GALNT13: variants seen among roughly 807,000 people sequenced by gnomAD.
GALNT13 encodes the protein polypeptide N-acetylgalactosaminyltransferase 13.
A neutral mutation model predicts 64.2 loss-of-function variants in GALNT13; 28 were observed. The ratio of observed to expected loss-of-function variants is 0.44; its 90% CI spans 0.32 to 0.60. The LOEUF is 0.60. Ranked by LOEUF, GALNT13 falls within the 20% of genes least tolerant of loss-of-function variation. The pLI, the probability that GALNT13 is intolerant of heterozygous loss-of-function variation, is 0.05. For missense variants in GALNT13, 577 were observed against 669.8 expected (o/e 0.86, Z 1.53); for synonymous variants, 214 against 224.6 (o/e 0.95, Z 0.42).
the GALNT13 span, among the ~76,000 whole-genome samples, chr2:153,188,925 A>G: frequency 2.0e-5 from 3 of 152,154 alleles, no homozygotes; most frequent in African/African-American, 7.2e-5. Flanking sequence ...CAGGGTATTT[A>G]GGTTATACTA....
intron 8 of GALNT13, chr2:154,286,649 G>T: frequency 3.7e-6 from 1 of 266,690 alleles, no homozygotes; most frequent in African/African-American, 2.3e-5. Context: ...GCTGTTGTAG[G>T]AGGCATGGTG....
At chr2:154,404,673 T>C (rs999946968) in intron 10 of GALNT13, among the ~76,000 whole-genome samples, 1 of 152,240 alleles carries the variant, frequency 6.6e-6, no homozygotes, top group South Asian at 2.1e-4. Flanking sequence ...CTGAACAGTC[T>C]GCAGTCTGTG....
chr2:154,355,132 T>C (rs1156235727), intron 9 of GALNT13, among the ~76,000 whole-genome samples: 1 of 152,086 alleles, frequency 6.6e-6, no homozygotes, highest in African/African-American at 2.4e-5. Context: ...ACGGCAGCTT[T>C]GTCCCCACGC....
intron 11 of GALNT13, among the ~76,000 whole-genome samples, chr2:154,435,532 T>G (rs1452842048): frequency 6.6e-6 from 1 of 152,192 alleles, no homozygotes; most frequent in African/African-American, 2.4e-5. Context: ...ATAAAGGAAC[T>G]CATAAGTAGT....
At chr2:153,794,740 C>T in the GALNT13 span, among the ~76,000 whole-genome samples, 2 of 152,050 alleles carry the variant, frequency 1.3e-5, no homozygotes, top group African/African-American at 4.8e-5. Context: ...AGGCTAGTCT[C>T]GAACTCCTGA....
chr2:153,885,558 T>C (rs1003723518), intron 1 of GALNT13, among the ~76,000 whole-genome samples: 4 of 152,086 alleles, frequency 2.6e-5, no homozygotes, highest in African/African-American at 9.7e-5. Flanking sequence ...TTCAAAGCAC[T>C]GAGGAATAAT....
chr2:153,511,017 C>T, the GALNT13 span, among the ~76,000 whole-genome samples: 4 of 151,642 alleles, frequency 2.6e-5, no homozygotes, highest in Admixed American at 2.0e-4. Flanking sequence ...CAAGAGGGAG[C>T]GAGAGAAGCA....
At chr2:153,608,887 C>A in the GALNT13 span, among the ~76,000 whole-genome samples, 1 of 144,502 alleles carries the variant, frequency 6.9e-6, no homozygotes, top group South Asian at 2.2e-4. Context: ...ATAGTGGAAG[C>A]AAAAATCTAG....
chr2:154,034,615 C>T (rs1176828000), intron 3 of GALNT13, among the ~76,000 whole-genome samples: 2 of 135,004 alleles, frequency 1.5e-5, no homozygotes, highest in East Asian at 4.0e-4. Context: ...AGCTTTTCCA[C>T]TGTCCATTAT....
the GALNT13 span, among the ~76,000 whole-genome samples, chr2:153,626,606 T>C: frequency 5.9e-5 from 9 of 152,252 alleles, no homozygotes; most frequent in African/African-American, 1.9e-4. Flanking sequence ...TGAATTGAAC[T>C]GGACTTACAA....
the GALNT13 span, among the ~76,000 whole-genome samples, chr2:153,648,010 T>C: frequency 6.6e-6 from 1 of 152,148 alleles, no homozygotes; most frequent in Non-Finnish European, 1.5e-5. Context: ...AAGAAAGTCA[T>C]TGGTAGCTTG....
At chr2:154,361,931 C>T (rs1319894860) in intron 9 of GALNT13, among the ~76,000 whole-genome samples, 1 of 152,046 alleles carries the variant, frequency 6.6e-6, no homozygotes, top group Non-Finnish European at 1.5e-5. Context: ...ACTAATATGA[C>T]TCATCTCTCA....
At chr2:153,357,423 T>C in the GALNT13 span, 5 of 152,214 alleles carry the variant, frequency 3.3e-5, no homozygotes, top group Non-Finnish European at 7.4e-5. Context: ...TCTATGTTAA[T>C]AAAAGATTAT....
At chr2:153,676,558 C>T in the GALNT13 span, among the ~76,000 whole-genome samples, 1 of 152,024 alleles carries the variant, frequency 6.6e-6, no homozygotes, top group East Asian at 1.9e-4. Context: ...AGAGACACAA[C>T]AGCAAAAAAT....
rs151151796 is a variant in GALNT13, at chr2:154,102,020, T to G, written c.143-38317T>G. On this transcript the variant is annotated intron_variant, in intron 3 of 12. Coordinates refer to ENST00000392825, the MANE Select transcript of GALNT13 (RefSeq NM_052917.4). ...GCTTCAATAAGGTACTTGATATGAT[T>G]TTGATTTTTTAAAATTTACCAAGAC... is the stretch of plus-strand genomic sequence containing the variant. 3.9e-5 allele frequency among the ~76,000 whole-genome samples: 6 copies of G among 152,262 alleles called. No individual in the cohort carries two copies. The East Asian group carries it at 9.7e-4, about 25-fold the overall frequency.
At chr2:153,197,742 G>C in the GALNT13 span, among the ~76,000 whole-genome samples, 32 of 152,324 alleles carry the variant, frequency 2.1e-4, no homozygotes, top group African/African-American at 7.2e-4. Context: ...TGGGAGGACA[G>C]AGTTTCTATC....
chr2:153,273,470 T>C, the GALNT13 span, among the ~76,000 whole-genome samples: 5 of 152,282 alleles, frequency 3.3e-5, no homozygotes, highest in East Asian at 1.9e-4. Context: ...ACCCGGTACT[T>C]ATAACTTGAC....
the GALNT13 span, among the ~76,000 whole-genome samples, chr2:153,782,068 C>T: frequency 2.0e-5 from 3 of 152,126 alleles, no homozygotes; most frequent in Admixed American, 2.0e-4. Context: ...CATCCCACCA[C>T]CCCCTAAATT....
the GALNT13 span, among the ~76,000 whole-genome samples, chr2:153,845,558 C>T: frequency 6.6e-6 from 1 of 152,156 alleles, no homozygotes; most frequent in Non-Finnish European, 1.5e-5. Flanking sequence ...CTCACAAGAC[C>T]CCACCTGGTG....
Sources: gnomAD v4.1 joint callset for allele counts (sites outside exome capture counted in the v4.1 genomes callset) on GRCh38, gnomAD v4.1.1 for gene constraint, MANE v1.5 for transcripts, NCBI Gene and HGNC (gene_info 2026-07-23, HGNC 2026-07-21) for gene names.